The following SEPTIN14 variants were observed in gnomAD, a reference collection of about 807,000 sequenced individuals.
The protein encoded by SEPTIN14 is septin 14, also known as septin-14.
In SEPTIN14, 40 loss-of-function variants were observed where a neutral mutation model predicts 53.6. The observed-to-expected ratio is 0.75, with a 90% confidence interval of 0.58 to 0.97. The LOEUF (loss-of-function observed/expected upper bound fraction) is 0.97, where lower values mean the gene tolerates loss of function less well. Ranked by LOEUF, SEPTIN14 falls within the 50% of genes least tolerant of loss-of-function variation. The pLI, the probability that SEPTIN14 is intolerant of heterozygous loss-of-function variation, is 0.00. For synonymous variants in SEPTIN14, 138 were observed against 166.8 expected, an observed-to-expected ratio of 0.83 and a Z score of 1.33; for missense variants, 471 against 508.2, an observed-to-expected ratio of 0.93 and a Z score of 0.70.
At chr7:55,858,840 A>T (rs1789694123) in intron 2 of SEPTIN14, among the ~76,000 whole-genome samples, 1 of 151,964 alleles carries the variant, frequency 6.6e-6, no homozygotes, top group Non-Finnish European at 1.5e-5. Context: ...TAAGAATCAC[A>T]CTATAGCAAC....
intron 2 of SEPTIN14, among the ~76,000 whole-genome samples, chr7:55,849,505 G>A (rs1266116467): frequency 2.0e-5 from 3 of 151,244 alleles, no homozygotes; most frequent in Non-Finnish European, 4.4e-5. Flanking sequence ...CAGCACTTTG[G>A]GAGGCTGAGG....
chr7:55,825,206 C>A (rs1019705104), intron 6 of SEPTIN14, among the ~76,000 whole-genome samples: 2 of 152,018 alleles, frequency 1.3e-5, no homozygotes, highest in Non-Finnish European at 2.9e-5. Context: ...CACAGAGAAA[C>A]CTTAAATACA....
intron 4 of SEPTIN14, among the ~76,000 whole-genome samples, chr7:55,843,454 G>A (rs1317257060): frequency 6.6e-6 from 1 of 152,142 alleles, no homozygotes; most frequent in Non-Finnish European, 1.5e-5. Context: ...CAAAGGACAT[G>A]AATAGACATT....
intron 8 of SEPTIN14, among the ~76,000 whole-genome samples, chr7:55,806,592 T>C (rs1464590326): frequency 6.6e-6 from 1 of 151,400 alleles, no homozygotes; most frequent in Non-Finnish European, 1.5e-5. Flanking sequence ...GCCTCCCAAG[T>C]GGCTGGGATA....
At chr7:55,840,535 A>G (rs187764557) in intron 5 of SEPTIN14, among the ~76,000 whole-genome samples, 1 of 152,160 alleles carries the variant, frequency 6.6e-6, no homozygotes, top group Non-Finnish European at 1.5e-5. Context: ...ACTAGGAAAA[A>G]CACCATGTGA....
At chr7:55,847,601 G>A (rs1460585780) in intron 2 of SEPTIN14, among the ~76,000 whole-genome samples, 2 of 152,116 alleles carry the variant, frequency 1.3e-5, no homozygotes, top group Admixed American at 1.3e-4. Context: ...AATATCTCAT[G>A]TAATTTATCA....
In SEPTIN14 at chr7:55,861,023, C is replaced by T. The variant is rs1174231660; in HGVS notation, c.54+920G>A. On this transcript the variant is annotated intron_variant, in intron 2 of 9. Coordinates refer to ENST00000388975, the MANE Select transcript of SEPTIN14 (RefSeq NM_207366.3). ...GCTAGCATTTGCATATCAGCATTTG[C>T]ATAATGTTTGACTAATTGGCTTTTG... Among the ~76,000 whole-genome samples the T allele has an allele frequency of 3.3e-5, 5 of 152,134 alleles. No homozygotes were observed. In the East Asian group the frequency reaches 9.6e-4, roughly 29 times the overall value.
intron 7 of SEPTIN14, among the ~76,000 whole-genome samples, chr7:55,814,992 A>C (rs1294803626): frequency 6.6e-6 from 1 of 152,222 alleles, no homozygotes; most frequent in Admixed American, 6.5e-5. Context: ...AAATCCACAC[A>C]GCCACAGAGA....
chr7:55,839,152 C>G (rs955536291), intron 5 of SEPTIN14, among the ~76,000 whole-genome samples: 4 of 152,070 alleles, frequency 2.6e-5, no homozygotes, highest in South Asian at 4.1e-4. Flanking sequence ...CTTTGGGAGG[C>G]TGAGGCAGGC....
chr7:55,816,439 G>A (rs1260313186), intron 7 of SEPTIN14, among the ~76,000 whole-genome samples: 1 of 152,076 alleles, frequency 6.6e-6, no homozygotes, highest in Non-Finnish European at 1.5e-5. Flanking sequence ...CTGAATGCCA[G>A]TATCAAATAT....
intron 5 of SEPTIN14, among the ~76,000 whole-genome samples, chr7:55,838,204 G>A (rs571919385): frequency 2.0e-4 from 31 of 152,230 alleles, no homozygotes; most frequent in South Asian, 1.0e-3. Context: ...GGAAGTCCTC[G>A]TGTGTCCCAG....
At chr7:55,830,590 G>A (rs966910064) in intron 6 of SEPTIN14, among the ~76,000 whole-genome samples, 5 of 150,232 alleles carry the variant, frequency 3.3e-5, no homozygotes, top group South Asian at 2.1e-4. Context: ...TGATCCGCCC[G>A]CCTTGGCCTC....
intron 7 of SEPTIN14, among the ~76,000 whole-genome samples, chr7:55,817,445 G>T (rs1788811572): frequency 6.7e-6 from 1 of 150,100 alleles, no homozygotes. Context: ...TAGTGACCAT[G>T]TTAATAACAA....
chr7:55,823,888 CT>C (rs34934744), intron 6 of SEPTIN14, among the ~76,000 whole-genome samples: 65,537 of 134,128 alleles, frequency 0.49, 14,498 homozygotes, highest in East Asian at 0.51. Flanking sequence ...AAGGTAAATT[CT>C]TTTTTTTTTT....
At chr7:55,840,285 T>C (rs1789286339) in intron 5 of SEPTIN14, among the ~76,000 whole-genome samples, 1 of 150,900 alleles carries the variant, frequency 6.6e-6, no homozygotes, top group African/African-American at 2.4e-5. Context: ...GGTCAAGAGT[T>C]CAAGACCAGC....
intron 2 of SEPTIN14, among the ~76,000 whole-genome samples, chr7:55,856,472 A>G (rs182835852): frequency 3.2e-4 from 49 of 151,712 alleles, no homozygotes; most frequent in African/African-American, 1.1e-3. Context: ...GCTCACTGCA[A>G]TCTCCGCCTC....
intron 9 of SEPTIN14, among the ~76,000 whole-genome samples, chr7:55,796,915 G>A (rs1198604475): frequency 6.6e-6 from 1 of 152,088 alleles, no homozygotes; most frequent in East Asian, 1.9e-4. Context: ...ACAAGGTCAG[G>A]AGTTCAAGAC....
intron 9 of SEPTIN14, among the ~76,000 whole-genome samples, chr7:55,800,505 TC>T (rs1296174637): frequency 6.6e-6 from 1 of 151,790 alleles, no homozygotes; most frequent in Non-Finnish European, 1.5e-5. Context: ...ATGCCTGTAA[TC>T]CCAACCACTT....
At chr7:55,855,161 A>G (rs1789594781) in intron 2 of SEPTIN14, among the ~76,000 whole-genome samples, 1 of 152,030 alleles carries the variant, frequency 6.6e-6, no homozygotes, top group African/African-American at 2.4e-5. Context: ...GGCGCCCGCC[A>G]CCGTGCCCAG....
Sources: gnomAD v4.1 joint callset for allele counts (sites outside exome capture counted in the v4.1 genomes callset) on GRCh38, gnomAD v4.1.1 for gene constraint, MANE v1.5 for transcripts, NCBI Gene and HGNC (gene_info 2026-07-23, HGNC 2026-07-21) for gene names.